Variants in TMEM217B observed in about 807,000 individuals in gnomAD.
TMEM217B encodes the protein transmembrane protein 217B, also known as putative transmembrane protein 217B.
chr6:37,242,289 C>A, the TMEM217B span, among the ~76,000 whole-genome samples: 2 of 152,210 alleles, frequency 1.3e-5, no homozygotes, highest in Non-Finnish European at 1.5e-5. Flanking sequence ...CAGGCCCCCA[C>A]GGTGGGCAGA....
At chr6:37,218,006 G>A in the TMEM217B span, 1 of 990,714 alleles carries the variant, frequency 1.0e-6, no homozygotes, top group African/African-American at 1.7e-5. Flanking sequence ...TTCTCTTCAT[G>A]TTCTCCTGAA....
the TMEM217B span, among the ~76,000 whole-genome samples, chr6:37,231,003 T>A: frequency 2.0e-5 from 3 of 152,080 alleles, no homozygotes; most frequent in African/African-American, 7.2e-5. Context: ...ACCAAATCAA[T>A]TCAAGAACCT....
At chr6:37,238,388 A>G in the TMEM217B span, among the ~76,000 whole-genome samples, 23 of 152,324 alleles carry the variant, frequency 1.5e-4, no homozygotes, top group Middle Eastern at 3.4e-3. Flanking sequence ...GCTGTGTTGT[A>G]GCAGACACCG....
At chr6:37,245,799 T>C in the TMEM217B span, among the ~76,000 whole-genome samples, 308 of 52,448 alleles carry the variant, frequency 5.9e-3, 6 homozygotes, top group Admixed American at 0.065. Flanking sequence ...TTTCTTTCTT[T>C]CTTTCTTTTT....
the TMEM217B span, chr6:37,212,864 C>T: frequency 7.1e-7 from 1 of 1,402,886 alleles, no homozygotes; most frequent in Non-Finnish European, 9.9e-7. Flanking sequence ...CTGAACTTGG[C>T]CTCATAGCAA....
chr6:37,235,026 G>C, the TMEM217B span, among the ~76,000 whole-genome samples: 1 of 152,090 alleles, frequency 6.6e-6, no homozygotes, highest in Non-Finnish European at 1.5e-5. Context: ...TGCTGGTGTG[G>C]CTTTTTAAAA....
chr6:37,224,734 G>C, the TMEM217B span, among the ~76,000 whole-genome samples: 1 of 152,128 alleles, frequency 6.6e-6, no homozygotes, highest in Non-Finnish European at 1.5e-5. Flanking sequence ...GGGATTACAG[G>C]AGTGAGCCAC....
the TMEM217B span, among the ~76,000 whole-genome samples, chr6:37,237,237 T>C: frequency 1.3e-5 from 2 of 152,154 alleles, no homozygotes; most frequent in Non-Finnish European, 2.9e-5. Flanking sequence ...CAATCAAAGT[T>C]CCCGCATTTG....
At chr6:37,256,652 T>C in the TMEM217B span, among the ~76,000 whole-genome samples, 7 of 150,086 alleles carry the variant, frequency 4.7e-5, no homozygotes, top group East Asian at 1.4e-3. Flanking sequence ...GGAGGACATA[T>C]AAAAGAAGGT....
chr6:37,244,895 G>A, the TMEM217B span, among the ~76,000 whole-genome samples: 2 of 152,206 alleles, frequency 1.3e-5, no homozygotes. Context: ...GGCTCAACTG[G>A]CTGTTGGCTG....
At chr6:37,240,638 T>A in the TMEM217B span, among the ~76,000 whole-genome samples, 2 of 152,158 alleles carry the variant, frequency 1.3e-5, no homozygotes, top group African/African-American at 4.8e-5. Context: ...AGGGTGTAAA[T>A]ACCAGGAGGC....
the TMEM217B span, among the ~76,000 whole-genome samples, chr6:37,247,641 C>T: frequency 6.6e-6 from 1 of 152,222 alleles, no homozygotes; most frequent in South Asian, 2.1e-4. Context: ...CCACTTCGGC[C>T]TCCCAAAGTG....
chr6:37,214,524 G>A, the TMEM217B span, among the ~76,000 whole-genome samples: 1 of 152,056 alleles, frequency 6.6e-6, no homozygotes, highest in African/African-American at 2.4e-5. Context: ...ACCATGCCTG[G>A]CCATCTTCAG....
the TMEM217B span, among the ~76,000 whole-genome samples, chr6:37,236,490 A>T: frequency 6.6e-6 from 1 of 152,092 alleles, no homozygotes; most frequent in Non-Finnish European, 1.5e-5. Context: ...GTAACCAAGG[A>T]TATCCTGAAA....
At chr6:37,256,689 G>A in the TMEM217B span, among the ~76,000 whole-genome samples, 1 of 145,942 alleles carries the variant, frequency 6.9e-6, no homozygotes, top group Non-Finnish European at 1.5e-5. Context: ...CCAGGGGTCA[G>A]GTCTTTAAGT....
chr6:37,241,248 A>ATTT, the TMEM217B span, among the ~76,000 whole-genome samples: 1 of 145,358 alleles, frequency 6.9e-6, no homozygotes, highest in South Asian at 2.2e-4. Context: ...TACCTGGTTA[A>ATTT]TTTTTTTTTT....
At chr6:37,254,051 T>C in the TMEM217B span, among the ~76,000 whole-genome samples, 1 of 152,260 alleles carries the variant, frequency 6.6e-6, no homozygotes, top group Non-Finnish European at 1.5e-5. Flanking sequence ...CAAAATAAAC[T>C]CTTGAGATAA....
chr6:37,229,435 C>T, the TMEM217B span, among the ~76,000 whole-genome samples: 1,777 of 150,872 alleles, frequency 0.012, 31 homozygotes, highest in Middle Eastern at 0.059. Context: ...CTCCGCCTCC[C>T]GGGTTCACTC....
the TMEM217B span, among the ~76,000 whole-genome samples, chr6:37,241,310 C>T: frequency 1.6e-4 from 24 of 150,580 alleles, no homozygotes; most frequent in Non-Finnish European, 1.5e-5. Context: ...TACTCTTTGT[C>T]AAAGAAAAAA....
Sources: gnomAD v4.1 joint callset for allele counts (sites outside exome capture counted in the v4.1 genomes callset) on GRCh38, gnomAD v4.1.1 for gene constraint, MANE v1.5 for transcripts, NCBI Gene and HGNC (gene_info 2026-07-23, HGNC 2026-07-21) for gene names.